LRGUK: variants seen among roughly 807,000 people sequenced by gnomAD.
The protein encoded by LRGUK is leucine-rich repeat and guanylate kinase domain-containing protein.
LRGUK carries 65 observed loss-of-function variants against 76.0 expected under a neutral mutation model. The ratio of observed to expected loss-of-function variants is 0.85; its 90% CI spans 0.70 to 1.05. The LOEUF is 1.05. Among genes scored for constraint, LRGUK ranks in the 50% least tolerant of loss-of-function variants. The pLI is 0.00. For missense variants in LRGUK, 758 were observed against 732.8 expected, an observed-to-expected ratio of 1.03 and a Z score of -0.40; for synonymous variants, 268 against 265.6, an observed-to-expected ratio of 1.01 and a Z score of -0.09.
intron 7 of LRGUK, among the ~76,000 whole-genome samples, chr7:134,168,713 G>A (rs1410578292): frequency 6.6e-6 from 1 of 152,148 alleles, no homozygotes; most frequent in Non-Finnish European, 1.5e-5. Flanking sequence ...AGATGTGGCT[G>A]AGGATGACTC....
At chr7:134,255,247 AC>A in intron 18 of LRGUK, among the ~76,000 whole-genome samples, 1 of 151,918 alleles carries the variant, frequency 6.6e-6, no homozygotes, top group African/African-American at 2.4e-5. Flanking sequence ...ACACACACAC[AC>A]ACACACACAC....
intron 5 of LRGUK, among the ~76,000 whole-genome samples, chr7:134,153,688 G>A (rs1183362663): frequency 6.6e-6 from 1 of 152,118 alleles, no homozygotes; most frequent in African/African-American, 2.4e-5. Flanking sequence ...TTCCCATGTT[G>A]CAATTCATTG....
At chr7:134,224,832 C>T (rs957977828) in intron 16 of LRGUK, among the ~76,000 whole-genome samples, 1 of 152,042 alleles carries the variant, frequency 6.6e-6, no homozygotes, top group Non-Finnish European at 1.5e-5. Flanking sequence ...GTGGGCAGAT[C>T]TTGAGGTCAA....
At chr7:134,144,351 C>A (rs934395482) in intron 4 of LRGUK, among the ~76,000 whole-genome samples, 24 of 152,136 alleles carry the variant, frequency 1.6e-4, no homozygotes, top group African/African-American at 5.6e-4. Context: ...GTAGCCCAGG[C>A]TGGTCTTGAA....
At chr7:134,207,453 T>C (rs1206225512) in intron 15 of LRGUK, among the ~76,000 whole-genome samples, 1 of 152,202 alleles carries the variant, frequency 6.6e-6, no homozygotes, top group East Asian at 1.9e-4. Flanking sequence ...ATAACAGTTA[T>C]AAACTAGGGA....
chr7:134,144,770 T>C (rs1797901530), intron 4 of LRGUK, among the ~76,000 whole-genome samples: 1 of 152,164 alleles, frequency 6.6e-6, no homozygotes, highest in Non-Finnish European at 1.5e-5. Flanking sequence ...CAATAGTGCA[T>C]TTTTTCCCTT....
intron 11 of LRGUK, among the ~76,000 whole-genome samples, chr7:134,186,847 G>T (rs1799998473): frequency 6.6e-6 from 1 of 152,144 alleles, no homozygotes; most frequent in Non-Finnish European, 1.5e-5. Context: ...TTAGCTTCAT[G>T]CTCCTGTACT....
intron 3 of LRGUK, among the ~76,000 whole-genome samples, chr7:134,141,225 G>A (rs529789668): frequency 6.6e-6 from 1 of 152,274 alleles, no homozygotes; most frequent in South Asian, 2.1e-4. Context: ...TTCTTTTTGT[G>A]ATGACAGTCT....
intron 1 of LRGUK, 111 bp from the exon 2 acceptor site, chr7:134,136,912 G>A: frequency 1.2e-6 from 1 of 866,022 alleles, no homozygotes. Flanking sequence ...ATTTTGGAGA[G>A]CTCAGCTCCT....
At chr7:134,266,203 A>G (rs918340558), downstream of LRGUK, among the ~76,000 whole-genome samples, 1 of 152,228 alleles carries the variant, frequency 6.6e-6, no homozygotes, top group African/African-American at 2.4e-5. Context: ...TTAACACACT[A>G]TCCAAACTGT....
intron 17 of LRGUK, 102 bp from the exon 18 acceptor site, chr7:134,248,849 G>A: frequency 1.1e-6 from 1 of 876,872 alleles, no homozygotes; most frequent in Admixed American, 4.1e-5. Context: ...AGATCTCATT[G>A]GCATTTGCGT....
At chr7:134,201,313 G>GGC (rs1800758143) in intron 14 of LRGUK, among the ~76,000 whole-genome samples, 168 bp from the exon 15 acceptor site, 1 of 152,154 alleles carries the variant, frequency 6.6e-6, no homozygotes, top group East Asian at 1.9e-4. Context: ...CTTAAGGGGA[G>GGC]GAGATTGATT....
intron 13 of LRGUK, 116 bp downstream of exon 13, chr7:134,197,221 G>A (rs1585536797): frequency 3.2e-6 from 2 of 630,174 alleles, no homozygotes; most frequent in Admixed American, 2.6e-5. Flanking sequence ...CATAATTGAG[G>A]TACATATATG....
chr7:134,199,328 C>T lies in LRGUK; in HGVS notation c.1654C>T (p.Arg552Cys), dbSNP rs150378173. The T allele has an allele frequency of 1.7e-4, 267 of 1,613,638 alleles. 1 individual carries two copies. Among genetic ancestry groups the T allele is most frequent in the Admixed American group, 8.8e-4 (53 of 59,992 alleles). Residue 552 changes from arginine to cysteine, a missense_variant, in exon 14 of 16, where the codon CGT becomes TGT. Arg to Cys is a radical substitution (Grantham distance 180). Transcript: ENST00000645682. ...TTTGCGGAGAAAAGGATTATTCAGT[C>T]GTGCAGAAATTGAATTTGCTGTCTC...
chr7:134,127,706 C>G, intron 1 of LRGUK, 42 bp downstream of exon 1: 1 of 1,568,804 alleles, frequency 6.4e-7, no homozygotes, highest in Non-Finnish European at 8.7e-7. Flanking sequence ...GCTCCCTCGT[C>G]CAGCCCTGTT....
chr7:134,274,934 T>C, the LRGUK span, among the ~76,000 whole-genome samples: 2 of 152,158 alleles, frequency 1.3e-5, no homozygotes, highest in African/African-American at 2.4e-5. Flanking sequence ...ACTATTTTTA[T>C]TTATTTTTCA....
chr7:134,161,329 C>T (rs1431330091), intron 6 of LRGUK, among the ~76,000 whole-genome samples: 1 of 151,430 alleles, frequency 6.6e-6, no homozygotes, highest in East Asian at 1.9e-4. Context: ...TTTTTTCTTT[C>T]CCTTTTCTAT....
At chr7:134,214,405 A>G (rs1195104647), downstream of LRGUK, among the ~76,000 whole-genome samples, 1 of 152,198 alleles carries the variant, frequency 6.6e-6, no homozygotes, top group East Asian at 1.9e-4. Flanking sequence ...TAGTAATTCG[A>G]ATCTGAGGAT....
intron 4 of LRGUK, 109 bp from the exon 5 acceptor site, chr7:134,148,129 G>A (rs1585436990): frequency 1.6e-6 from 1 of 620,868 alleles, no homozygotes. Context: ...TTTCAGTAAT[G>A]AATTCTAACT....
Sources: allele counts gnomAD v4.1 joint callset (sites outside exome capture counted in the v4.1 genomes callset), GRCh38; gene constraint gnomAD v4.1.1; transcripts MANE v1.5; gene names NCBI Gene and HGNC (gene_info 2026-07-23, HGNC 2026-07-21).